FBXW8: variants seen among roughly 807,000 people sequenced by gnomAD.
FBXW8 encodes the protein F-box/WD repeat-containing protein 8.
In FBXW8, 57 loss-of-function variants were observed where a neutral mutation model predicts 65.3. The observed-to-expected ratio is 0.87, with a 90% confidence interval of 0.71 to 1.09. The LOEUF (loss-of-function observed/expected upper bound fraction) is 1.09, where lower values mean the gene tolerates loss of function less well. FBXW8 is among the 50% of genes least tolerant of loss of function. The probability of loss-of-function intolerance (pLI) is 0.00; values close to 1 mark genes in which losing one functional copy is unlikely to be tolerated. For synonymous variants in FBXW8, 308 were observed against 330.2 expected, an observed-to-expected ratio of 0.93 and a Z score of 0.73; for missense variants, 777 against 814.8, an observed-to-expected ratio of 0.95 and a Z score of 0.57.
At chr12:116,974,125 G>T (rs1341746500) in intron 5 of FBXW8, among the ~76,000 whole-genome samples, 4 of 152,192 alleles carry the variant, frequency 2.6e-5, no homozygotes, top group African/African-American at 9.6e-5. Context: ...ACTTGAGGAG[G>T]CCCCAGTGAG....
chr12:116,942,726 A>T (rs1345921825), intron 2 of FBXW8, among the ~76,000 whole-genome samples: 1 of 147,698 alleles, frequency 6.8e-6, no homozygotes, highest in Non-Finnish European at 1.5e-5. Context: ...GCCTTTAGGG[A>T]ATTTTTTATT....
intron 4 of FBXW8, among the ~76,000 whole-genome samples, chr12:116,960,334 C>A (rs965949335): frequency 6.6e-6 from 1 of 152,084 alleles, no homozygotes; most frequent in Non-Finnish European, 1.5e-5. Context: ...TTTGAGAGCC[C>A]GCTGCTGAGT....
At chr12:116,911,958 G>A (rs1879981230) in intron 1 of FBXW8, among the ~76,000 whole-genome samples, 1 of 152,114 alleles carries the variant, frequency 6.6e-6, no homozygotes, top group South Asian at 2.1e-4. Flanking sequence ...TTTGTGGGGC[G>A]TGGATACCTT....
At chr12:116,984,130 T>C (rs1233883282) in intron 5 of FBXW8, among the ~76,000 whole-genome samples, 1 of 152,070 alleles carries the variant, frequency 6.6e-6, no homozygotes, top group African/African-American at 2.4e-5. Context: ...GGGAAGGAAA[T>C]AGCTTGGGAA....
intron 8 of FBXW8, among the ~76,000 whole-genome samples, chr12:117,011,532 G>A (rs1953817576): frequency 6.6e-6 from 1 of 152,158 alleles, no homozygotes; most frequent in Non-Finnish European, 1.5e-5. Context: ...CACGCACTGG[G>A]CTAGTTCTCT....
chr12:116,933,482 A>G (rs1171211724), intron 2 of FBXW8, among the ~76,000 whole-genome samples: 3 of 152,162 alleles, frequency 2.0e-5, no homozygotes. Flanking sequence ...TACAGGGTAG[A>G]TTGGTTATGC....
chr12:116,919,249 A>G (rs915213111), intron 1 of FBXW8, among the ~76,000 whole-genome samples: 4 of 152,226 alleles, frequency 2.6e-5, no homozygotes, highest in Non-Finnish European at 2.9e-5. Flanking sequence ...CAGAGAGCCT[A>G]AAGTCTTGTT....
rs183451086 is a variant in FBXW8 at position 116,980,625 on chromosome 12, T to A, written c.836-4581T>A. Reference sequence around the variant, plus strand: ...CTTTCAAATGAATTTATATCAGATTTAAAAAAAAATACCTATTTGAGAAGT... The same window carrying A: ...CTTTCAAATGAATTTATATCAGATTAAAAAAAAAATACCTATTTGAGAAGT... On this transcript the variant is annotated intron_variant, in intron 5 of 10. Transcript: ENST00000652555. 2.3e-4 allele frequency among the ~76,000 whole-genome samples: 35 copies of A among 151,514 alleles called. No individual in the cohort carries two copies. In the East Asian group the frequency reaches 4.8e-3, roughly 21 times the overall value.
At chr12:116,921,250 A>G (rs763727882) in intron 1 of FBXW8, among the ~76,000 whole-genome samples, 11 of 152,238 alleles carry the variant, frequency 7.2e-5, no homozygotes, top group Non-Finnish European at 1.6e-4. Context: ...GTTAGATTCT[A>G]TAGTATTATA....
chr12:116,919,684 ATGTT>A (rs763349145), intron 1 of FBXW8, among the ~76,000 whole-genome samples: 6 of 152,040 alleles, frequency 3.9e-5, no homozygotes, highest in East Asian at 1.9e-4. Flanking sequence ...GGCCCTATCT[ATGTT>A]TGTTGAGTTG....
chr12:116,987,124 A>G (rs941617129), intron 6 of FBXW8: 1 of 152,164 alleles, frequency 6.6e-6, no homozygotes, highest in African/African-American at 2.4e-5. Context: ...CAGGTCTGCG[A>G]TATTAGCCTA....
chr12:116,912,840 A>G (rs939329511), intron 1 of FBXW8, among the ~76,000 whole-genome samples: 4 of 152,214 alleles, frequency 2.6e-5, no homozygotes, highest in African/African-American at 9.7e-5. Flanking sequence ...GTTTACTCAA[A>G]TAGCATTAAT....
At position 116,911,111 on chromosome 12, in the gene FBXW8, A is replaced by G. The variant is rs1484037084; in HGVS notation, c.74A>G (p.Lys25Arg). ...EELAQAQAPK[K>R]RRRPEAAERR... ...CTGGCGCAGGCCCAGGCGCCGAAGA[A>G]GCGGCGACGGCCCGAGGCTGCCGAG... is the stretch of plus-strand genomic sequence containing the variant. The change falls in exon 1 of 11, where the codon AAG becomes AGG. Residue 25 changes from lysine to arginine, a missense_variant. Physicochemically the swap from Lys to Arg is conservative, Grantham distance 26. Coordinates refer to ENST00000652555, the MANE Select transcript of FBXW8 (RefSeq NM_153348.3). 1.4e-6 allele frequency: 2 copies of G among 1,393,414 alleles called. No homozygotes were observed. Among genetic ancestry groups the G allele is most frequent in the African/African-American group, 1.5e-5 (1 of 65,746 alleles). The allele number at this position is 1,393,414 out of a possible 1,614,324, so 86.3% of individuals were successfully genotyped here. A position where few individuals can be genotyped will look rare whatever the true frequency, so the allele number is the denominator to read the frequency against.
chr12:116,923,668 C>T (rs996100140), intron 1 of FBXW8, among the ~76,000 whole-genome samples: 2 of 151,478 alleles, frequency 1.3e-5, no homozygotes, highest in Non-Finnish European at 2.9e-5. Flanking sequence ...GGACTACAGG[C>T]GCCTGCCACC....
intron 3 of FBXW8, among the ~76,000 whole-genome samples, chr12:116,947,750 A>AAAAAAAAAAAAAAAG (rs1555218999): frequency 2.2e-5 from 3 of 137,658 alleles, no homozygotes; most frequent in Admixed American, 7.7e-5. Flanking sequence ...AAAAAAAAAA[A>AAAAAAAAAAAAAAAG]AAAAGAAAAG....
At chr12:116,928,940 AG>A (rs970439395) in intron 2 of FBXW8, among the ~76,000 whole-genome samples, 18 of 152,076 alleles carry the variant, frequency 1.2e-4, no homozygotes, top group Admixed American at 6.5e-4. Flanking sequence ...CCTCCCGAGT[AG>A]CTGGGACTGC....
intron 5 of FBXW8, among the ~76,000 whole-genome samples, chr12:116,984,520 C>T (rs1051756436): frequency 2.0e-5 from 3 of 152,112 alleles, no homozygotes; most frequent in Non-Finnish European, 4.4e-5. Flanking sequence ...AGGAGGATGG[C>T]GCTGAGGAAG....
chr12:117,019,751 G>A (rs955724320), intron 8 of FBXW8, among the ~76,000 whole-genome samples: 1 of 152,048 alleles, frequency 6.6e-6, no homozygotes, highest in Non-Finnish European at 1.5e-5. Context: ...AAGGCCTCCC[G>A]GTCATGAATG....
At position 116,987,948 on chromosome 12, in the gene FBXW8, A is replaced by G. The variant is rs74625513; in HGVS notation, c.1033-715A>G. 2.4e-4 allele frequency among the ~76,000 whole-genome samples: 36 copies of G among 152,224 alleles called. 3 individuals carry two copies. In the East Asian group the frequency reaches 7.0e-3, roughly 29 times the overall value. On this transcript the variant is annotated intron_variant, in intron 6 of 10. Coordinates refer to ENST00000652555, the MANE Select transcript of FBXW8 (RefSeq NM_153348.3). ...CACATGTCAGCAGGTGGGGTTACCT[A>G]ACTCATCTTGCATCCTTGCTTTACC... is the stretch of plus-strand genomic sequence containing the variant.
Sources: gnomAD v4.1 joint callset for allele counts (sites outside exome capture counted in the v4.1 genomes callset) on GRCh38, gnomAD v4.1.1 for gene constraint, MANE v1.5 for transcripts, NCBI Gene and HGNC (gene_info 2026-07-23, HGNC 2026-07-21) for gene names.